Variants in PTPRT observed in about 807,000 individuals in gnomAD.
The protein encoded by PTPRT is receptor-type tyrosine-protein phosphatase T.
Under a neutral mutation model 176.8 loss-of-function variants are expected in PTPRT, and 56 were observed. That is an observed-to-expected ratio of 0.32 (90% CI 0.26 to 0.40). The LOEUF is 0.40. Ranked by LOEUF, PTPRT falls within the 10% of genes least tolerant of loss-of-function variation. The pLI is 1.00. For missense variants in PTPRT, 1,540 were observed against 1,908.2 expected, an observed-to-expected ratio of 0.81 and a Z score of 3.60; for synonymous variants, 783 against 739.0, an observed-to-expected ratio of 1.06 and a Z score of -0.96.
intron 7 of PTPRT, among the ~76,000 whole-genome samples, chr20:42,592,522 T>G (rs2073598588): frequency 1.3e-5 from 2 of 152,324 alleles, no homozygotes; most frequent in Non-Finnish European, 2.9e-5. Context: ...TAAGGAGCTG[T>G]TAAAGCTGGG....
At chr20:43,046,763 T>G (rs1986856077) in intron 1 of PTPRT, among the ~76,000 whole-genome samples, 1 of 152,178 alleles carries the variant, frequency 6.6e-6, no homozygotes, top group Non-Finnish European at 1.5e-5. Context: ...AATGAACACT[T>G]GTTCAACTAA....
chr20:43,179,605 A>G (rs2015200174), intron 1 of PTPRT, among the ~76,000 whole-genome samples: 1 of 152,204 alleles, frequency 6.6e-6, no homozygotes, highest in African/African-American at 2.4e-5. Context: ...CTTCATATTA[A>G]TTCACTTCTA....
intron 12 of PTPRT, among the ~76,000 whole-genome samples, chr20:42,303,594 C>G (rs1360957417): frequency 1.3e-5 from 2 of 152,182 alleles, no homozygotes; most frequent in Non-Finnish European, 2.9e-5. Context: ...CAAATCATAG[C>G]CTCTCACAGC....
At chr20:42,883,020 A>T (rs1029268146) in intron 2 of PTPRT, among the ~76,000 whole-genome samples, 2 of 152,220 alleles carry the variant, frequency 1.3e-5, no homozygotes, top group Non-Finnish European at 2.9e-5. Flanking sequence ...GTGGAGCATG[A>T]TGATGATTTG....
chr20:42,486,018 G>A (rs931670536), intron 7 of PTPRT, among the ~76,000 whole-genome samples: 4 of 152,184 alleles, frequency 2.6e-5, no homozygotes, highest in African/African-American at 7.2e-5. Flanking sequence ...AGTAGAACAC[G>A]GATCACAGTA....
chr20:42,911,851 A>G (rs968420906), intron 1 of PTPRT, among the ~76,000 whole-genome samples: 2 of 152,116 alleles, frequency 1.3e-5, no homozygotes, highest in African/African-American at 4.8e-5. Context: ...AATCTTTGCA[A>G]CCTGCTTTTA....
intron 7 of PTPRT, among the ~76,000 whole-genome samples, chr20:42,584,849 C>G (rs967862850): frequency 6.6e-6 from 1 of 151,890 alleles, no homozygotes; most frequent in African/African-American, 2.4e-5. Flanking sequence ...GGATAGAAAT[C>G]TCTCTATTCA....
intron 6 of PTPRT, among the ~76,000 whole-genome samples, chr20:42,753,098 T>C (rs1448498089): frequency 6.6e-6 from 1 of 152,090 alleles, no homozygotes; most frequent in Non-Finnish European, 1.5e-5. Context: ...ACCCAGGGAA[T>C]CCTGCTTGCC....
intron 4 of PTPRT, among the ~76,000 whole-genome samples, chr20:42,774,990 T>C (rs1236394679): frequency 1.3e-5 from 2 of 152,164 alleles, no homozygotes; most frequent in African/African-American, 4.8e-5. Flanking sequence ...TCCCCCAGCA[T>C]CTGCTGCTCT....
chr20:42,056,701 T>C, the PTPRT span, among the ~76,000 whole-genome samples: 2 of 152,192 alleles, frequency 1.3e-5, no homozygotes, highest in Non-Finnish European at 2.9e-5. Flanking sequence ...CGATGAAGTG[T>C]GATAAGAGCA....
At chr20:42,172,174 T>C (rs1016735915) in intron 16 of PTPRT, among the ~76,000 whole-genome samples, 2 of 151,670 alleles carry the variant, frequency 1.3e-5, no homozygotes, top group Non-Finnish European at 2.9e-5. Context: ...CTTCTTGAGA[T>C]AAAAAAACAT....
chr20:42,791,537 A>C (rs2077376263), intron 2 of PTPRT, 71 bp from the exon 3 acceptor site: 1 of 1,460,094 alleles, frequency 6.8e-7, no homozygotes, highest in South Asian at 1.4e-5. Context: ...AAAATCAGTC[A>C]CACCCATAAA....
chr20:42,348,656 T>G (rs1297780632), intron 11 of PTPRT, among the ~76,000 whole-genome samples: 1 of 152,164 alleles, frequency 6.6e-6, no homozygotes, highest in African/African-American at 2.4e-5. Flanking sequence ...GACAAGCTGG[T>G]AGCAAGTGCT....
chr20:42,510,593 A>G (rs2071936855), intron 7 of PTPRT, among the ~76,000 whole-genome samples: 2 of 152,046 alleles, frequency 1.3e-5, no homozygotes, highest in South Asian at 4.2e-4. Flanking sequence ...GCCCTAAAGG[A>G]TAGAGTAAAA....
chr20:42,887,785 C>T (rs1223104205), intron 1 of PTPRT, among the ~76,000 whole-genome samples: 1 of 152,206 alleles, frequency 6.6e-6, no homozygotes, highest in Non-Finnish European at 1.5e-5. Flanking sequence ...CCTTCAGCAA[C>T]TACTATGGTC....
At chr20:42,288,400 T>A (rs1473381040) in intron 12 of PTPRT, among the ~76,000 whole-genome samples, 2 of 152,014 alleles carry the variant, frequency 1.3e-5, no homozygotes, top group Non-Finnish European at 2.9e-5. Context: ...TGCAGGTTTG[T>A]TACATGAATA....
chr20:43,060,946 A>G (rs941799826), intron 1 of PTPRT, among the ~76,000 whole-genome samples: 3 of 152,158 alleles, frequency 2.0e-5, no homozygotes, highest in Non-Finnish European at 4.4e-5. Flanking sequence ...TCTAACCCAT[A>G]TATTTAAGAT....
intron 1 of PTPRT, among the ~76,000 whole-genome samples, chr20:42,893,746 T>C (rs1189307883): frequency 9.3e-5 from 14 of 150,814 alleles, no homozygotes; most frequent in Non-Finnish European, 1.9e-4. Context: ...TCATTCTCAG[T>C]AAACTATCGC....
intron 6 of PTPRT, among the ~76,000 whole-genome samples, chr20:42,709,057 T>C (rs1281837838): frequency 6.6e-6 from 1 of 152,198 alleles, no homozygotes; most frequent in East Asian, 1.9e-4. Flanking sequence ...CTACATGGTG[T>C]AATGTAAACT....
Sources: allele counts gnomAD v4.1 joint callset (sites outside exome capture counted in the v4.1 genomes callset), GRCh38; gene constraint gnomAD v4.1.1; transcripts MANE v1.5; gene names NCBI Gene and HGNC (gene_info 2026-07-23, HGNC 2026-07-21).